Variants in NCALD observed in about 807,000 individuals in gnomAD.
NCALD encodes the protein neurocalcin delta.
NCALD carries 10 observed loss-of-function variants against 18.6 expected under a neutral mutation model. The ratio of observed to expected loss-of-function variants is 0.54; its 90% CI spans 0.33 to 0.91. The LOEUF (loss-of-function observed/expected upper bound fraction) is 0.91. Ranked by LOEUF, NCALD falls within the 40% of genes least tolerant of loss-of-function variation. The probability of loss-of-function intolerance (pLI) is 0.03; values close to 1 mark genes in which losing one functional copy is unlikely to be tolerated. For synonymous variants in NCALD, 88 were observed against 87.4 expected (o/e 1.01, Z -0.04); for missense variants, 184 against 247.6 (o/e 0.74, Z 1.72).
At chr8:101,721,224 C>A (rs1381506345) in intron 1 of NCALD, 3 of 152,164 alleles carry the variant, frequency 2.0e-5, no homozygotes, top group African/African-American at 7.2e-5. Context: ...TGAAAGACAG[C>A]ATATCCCCAT....
chr8:101,997,875 C>T (rs1192808537), intron 2 of NCALD, among the ~76,000 whole-genome samples: 1 of 152,196 alleles, frequency 6.6e-6, no homozygotes, highest in Non-Finnish European at 1.5e-5. Context: ...GCCTTTCTAC[C>T]ACTGGGTCAT....
At chr8:102,007,809 C>T (rs894629828) in intron 2 of NCALD, among the ~76,000 whole-genome samples, 7 of 152,158 alleles carry the variant, frequency 4.6e-5, no homozygotes, top group Non-Finnish European at 1.0e-4. Context: ...CTTTGAGTTT[C>T]CAAGAAGGCA....
At chr8:101,891,671 C>T (rs947581210) in intron 3 of NCALD, among the ~76,000 whole-genome samples, 8 of 152,312 alleles carry the variant, frequency 5.3e-5, no homozygotes, top group Non-Finnish European at 1.0e-4. Context: ...GAGTGCGAGC[C>T]GAAGCAGGGC....
chr8:101,872,956 G>T (rs1481463315), intron 4 of NCALD, among the ~76,000 whole-genome samples: 1 of 152,194 alleles, frequency 6.6e-6, no homozygotes, highest in Admixed American at 6.5e-5. Flanking sequence ...AGGAGGAAAT[G>T]AGGATCTCTG....
chr8:101,786,435 G>C (rs1370312621), intron 1 of NCALD, among the ~76,000 whole-genome samples: 1 of 152,156 alleles, frequency 6.6e-6, no homozygotes, highest in African/African-American at 2.4e-5. Flanking sequence ...TCCATGATAA[G>C]ATGTGGGAAG....
chr8:101,930,359 A>G (rs897758263), intron 2 of NCALD, among the ~76,000 whole-genome samples: 4 of 152,060 alleles, frequency 2.6e-5, no homozygotes, highest in African/African-American at 9.7e-5. Context: ...CTCCCTGCTG[A>G]TCAATGCTAC....
At chr8:101,891,469 T>C (rs189812085) in intron 3 of NCALD, among the ~76,000 whole-genome samples, 143 of 152,376 alleles carry the variant, frequency 9.4e-4, no homozygotes, top group Non-Finnish European at 1.7e-3. Context: ...TGCTGAGTAG[T>C]ATTCCATTGT....
intron 2 of NCALD, among the ~76,000 whole-genome samples, chr8:101,975,755 TCA>T (rs1468284618): frequency 2.0e-5 from 3 of 152,234 alleles, no homozygotes; most frequent in Non-Finnish European, 4.4e-5. Flanking sequence ...TATGGGATTT[TCA>T]CACTTTCCAG....
chr8:102,024,974 A>T (rs1822401709), intron 1 of NCALD, among the ~76,000 whole-genome samples: 3 of 152,104 alleles, frequency 2.0e-5, no homozygotes. Flanking sequence ...TAACAAACCA[A>T]TTGCTCCCCA....
chr8:101,711,971 A>G (rs1815817759), intron 2 of NCALD, among the ~76,000 whole-genome samples: 1 of 152,216 alleles, frequency 6.6e-6, no homozygotes, highest in African/African-American at 2.4e-5. Flanking sequence ...CATAATCGTC[A>G]GATTCACCAA....
chr8:101,923,813 T>G (rs1437142832), intron 2 of NCALD, among the ~76,000 whole-genome samples: 1 of 152,256 alleles, frequency 6.6e-6, no homozygotes, highest in East Asian at 1.9e-4. Context: ...ATTTTTTCCT[T>G]TGTTTCAAAT....
chr8:101,994,425 T>C (rs1190119626), intron 2 of NCALD, among the ~76,000 whole-genome samples: 1 of 152,194 alleles, frequency 6.6e-6, no homozygotes, highest in Non-Finnish European at 1.5e-5. Context: ...CCTTGAGGGC[T>C]ACTGTTCCTG....
intron 1 of NCALD, among the ~76,000 whole-genome samples, chr8:102,066,488 C>CG (rs1746665293): frequency 6.6e-6 from 1 of 152,152 alleles, no homozygotes; most frequent in East Asian, 1.9e-4. Flanking sequence ...AGACAATACA[C>CG]GAAGAACAAG....
intron 1 of NCALD, among the ~76,000 whole-genome samples, chr8:101,769,617 T>G (rs1811499421): frequency 1.3e-5 from 2 of 151,894 alleles, no homozygotes; most frequent in African/African-American, 4.8e-5. Flanking sequence ...TCTTCTTTCT[T>G]TCTTCCTTTT....
chr8:101,822,787 C>A lies in NCALD; in HGVS notation c.-20+64354G>T, dbSNP rs118107249. Reference sequence around the variant, plus strand: ...GAGCACAAGTCAGGGTGCTGGCCCCCCTCTGCCCTTCCATTCTTCCAGTGG... The same window carrying A: ...GAGCACAAGTCAGGGTGCTGGCCCCACTCTGCCCTTCCATTCTTCCAGTGG... On this transcript the variant is annotated intron_variant, in intron 4 of 6. Transcript: ENST00000311028. 2.1e-4 allele frequency among the ~76,000 whole-genome samples: 32 copies of A among 152,322 alleles called. No homozygotes were observed. The East Asian group carries it at 6.0e-3, about 28-fold the overall frequency.
chr8:102,081,573 AAAAC>A (rs869301558), intron 1 of NCALD, among the ~76,000 whole-genome samples: 6,772 of 76,504 alleles, frequency 0.089, 250 homozygotes, highest in Non-Finnish European at 0.11. Flanking sequence ...AAAAAAAAAA[AAAAC>A]CCCAAAAAAA....
At chr8:101,828,838 G>A (rs781728200) in intron 4 of NCALD, among the ~76,000 whole-genome samples, 4 of 151,972 alleles carry the variant, frequency 2.6e-5, no homozygotes, top group East Asian at 1.9e-4. Flanking sequence ...GTTTTTCGAC[G>A]GTTTTGTTTA....
chr8:102,034,639 C>T (rs539428112), intron 1 of NCALD, among the ~76,000 whole-genome samples: 14 of 152,246 alleles, frequency 9.2e-5, no homozygotes, highest in Admixed American at 3.3e-4. Flanking sequence ...ATTGTAAGAC[C>T]GGAAGAAGGG....
chr8:101,827,523 C>T (rs1265421687), intron 4 of NCALD, among the ~76,000 whole-genome samples: 1 of 152,140 alleles, frequency 6.6e-6, no homozygotes, highest in East Asian at 1.9e-4. Context: ...TTTGAGACAC[C>T]TCCCAATAGC....
Sources: gnomAD v4.1 joint callset for allele counts (sites outside exome capture counted in the v4.1 genomes callset) on GRCh38, gnomAD v4.1.1 for gene constraint, MANE v1.5 for transcripts, NCBI Gene and HGNC (gene_info 2026-07-23, HGNC 2026-07-21) for gene names.